Variants in COL19A1 observed in about 807,000 individuals in gnomAD.
COL19A1 encodes the protein collagen type XIX alpha 1 chain.
In COL19A1, 159 loss-of-function variants were observed where a neutral mutation model predicts 190.2. The observed-to-expected ratio is 0.84, with a 90% CI of 0.73 to 0.95. The LOEUF (loss-of-function observed/expected upper bound fraction) is 0.95, where lower values mean the gene tolerates loss of function less well. Among genes scored for constraint, COL19A1 ranks in the 40% least tolerant of loss-of-function variants. COL19A1 has a pLI of 0.00. For missense variants in COL19A1, 1,418 were observed against 1,431.9 expected, an observed-to-expected ratio of 0.99 and a Z score of 0.16; for synonymous variants, 509 against 458.9, an observed-to-expected ratio of 1.11 and a Z score of -1.39.
intron 42 of COL19A1, among the ~76,000 whole-genome samples, chr6:70,177,594 A>C (rs1765896851): frequency 6.6e-6 from 1 of 152,238 alleles, no homozygotes; most frequent in African/African-American, 2.4e-5. Context: ...TAGCATGAAA[A>C]TATCTTCTTT....
chr6:70,088,234 A>G (rs1278189912), intron 15 of COL19A1, among the ~76,000 whole-genome samples: 3 of 152,144 alleles, frequency 2.0e-5, no homozygotes, highest in Non-Finnish European at 4.4e-5. Flanking sequence ...AGATCTTCAT[A>G]TATTCTAGCC....
At chr6:70,178,771 A>G (rs1054346383) in intron 42 of COL19A1, among the ~76,000 whole-genome samples, 3 of 152,176 alleles carry the variant, frequency 2.0e-5, no homozygotes, top group African/African-American at 7.2e-5. Flanking sequence ...CCTAGAACGG[A>G]CCGGTCTATC....
At chr6:70,040,581 C>T (rs1779588281) in intron 14 of COL19A1, among the ~76,000 whole-genome samples, 1 of 152,124 alleles carries the variant, frequency 6.6e-6, no homozygotes, top group Admixed American at 6.5e-5. Context: ...AAATGGGACC[C>T]CATTCAAAAT....
chr6:69,936,987 C>T, intron 8 of COL19A1, 77 bp downstream of exon 8: 1 of 1,550,986 alleles, frequency 6.4e-7, no homozygotes, highest in Non-Finnish European at 8.8e-7. Flanking sequence ...GGCCTCTGTT[C>T]ACAGAATGTG....
At chr6:70,121,179 T>A (rs1056607978) in intron 16 of COL19A1, among the ~76,000 whole-genome samples, 3 of 152,188 alleles carry the variant, frequency 2.0e-5, no homozygotes, top group Non-Finnish European at 4.4e-5. Context: ...TGTTTTTTTA[T>A]GGCCCTCACC....
intron 16 of COL19A1, among the ~76,000 whole-genome samples, chr6:70,102,607 C>T (rs1783705108): frequency 6.6e-6 from 1 of 152,170 alleles, no homozygotes; most frequent in African/African-American, 2.4e-5. Context: ...TCTGGGGAAG[C>T]ATATCCACTT....
At chr6:70,125,583 GGAAAAAAAAAGCAAATGAGGAA>G (rs368470964) in intron 17 of COL19A1, among the ~76,000 whole-genome samples, 7 of 151,046 alleles carry the variant, frequency 4.6e-5, no homozygotes, top group South Asian at 2.1e-4. Flanking sequence ...GGATGGAGAA[GGAAAAAAAAAGCAAATGAGGAA>G]GAAAAAAAAA....
At chr6:69,932,700 CTGAT>C (rs1441241767) in intron 6 of COL19A1, 79 bp from the exon 7 acceptor site, 2 of 698,720 alleles carry the variant, frequency 2.9e-6, no homozygotes, top group Non-Finnish European at 4.8e-6. Flanking sequence ...CTTTTTCTTT[CTGAT>C]TAAATTACTG....
chr6:69,874,949 A>C (rs1034699270), intron 1 of COL19A1, among the ~76,000 whole-genome samples: 3 of 139,432 alleles, frequency 2.2e-5, no homozygotes, highest in Non-Finnish European at 4.8e-5. Flanking sequence ...AAATTCAACA[A>C]ATATTTATTG....
At chr6:70,087,197 A>G (rs1782639354) in intron 15 of COL19A1, among the ~76,000 whole-genome samples, 1 of 152,160 alleles carries the variant, frequency 6.6e-6, no homozygotes, top group African/African-American at 2.4e-5. Flanking sequence ...CTCTGCCCTC[A>G]TGGAACTTAC....
chr6:70,169,794 T>C (rs939456731), intron 40 of COL19A1, among the ~76,000 whole-genome samples: 9 of 152,132 alleles, frequency 5.9e-5, no homozygotes, highest in Non-Finnish European at 1.0e-4. Context: ...AAAAATTTCC[T>C]CCTGGTCTTT....
At chr6:69,921,824 A>ATG (rs1295355874) in intron 4 of COL19A1, among the ~76,000 whole-genome samples, 4 of 151,282 alleles carry the variant, frequency 2.6e-5, no homozygotes, top group African/African-American at 9.7e-5. Flanking sequence ...AGATTCGTAT[A>ATG]TATATTCGTA....
Position 70,121,945 on chromosome 6 carries a change from A to C in COL19A1, c.1341+3A>C. On this transcript the variant is annotated splice_donor_region_variant and intron_variant, in intron 17 of 50. Coordinates refer to ENST00000620364, the MANE Select transcript of COL19A1 (RefSeq NM_001858.6). Reference sequence around the variant, plus strand: ...GATATTATAACAAGGATAACAAGGTATGGCTTCTTTTTTCCCATAATTTAT... The same window carrying C: ...GATATTATAACAAGGATAACAAGGTCTGGCTTCTTTTTTCCCATAATTTAT... 1.3e-6 allele frequency: 2 copies of C among 1,556,564 alleles called. No individual in the cohort carries two copies. The highest frequency in any genetic ancestry group is 1.7e-6 in the Non-Finnish European group (2 of 1,151,894).
At chr6:69,986,471 G>T (rs1392591502) in intron 11 of COL19A1, among the ~76,000 whole-genome samples, 4 of 151,960 alleles carry the variant, frequency 2.6e-5, no homozygotes, top group African/African-American at 9.7e-5. Flanking sequence ...CTGTTTCTGA[G>T]CCTCATTCCT....
At chr6:70,140,518 T>G (rs1191951325) in intron 19 of COL19A1, among the ~76,000 whole-genome samples, 2 of 152,056 alleles carry the variant, frequency 1.3e-5, no homozygotes, top group Non-Finnish European at 2.9e-5. Context: ...AATAATGAGT[T>G]TGTATATTTA....
At chr6:69,961,219 G>A (rs1167620621) in intron 10 of COL19A1, among the ~76,000 whole-genome samples, 2 of 152,154 alleles carry the variant, frequency 1.3e-5, no homozygotes, top group African/African-American at 4.8e-5. Flanking sequence ...CTCTATAGCT[G>A]AAAATATCTT....
At chr6:69,987,110 A>G (rs533127307) in intron 11 of COL19A1, among the ~76,000 whole-genome samples, 20 of 152,222 alleles carry the variant, frequency 1.3e-4, no homozygotes, top group African/African-American at 4.3e-4. Context: ...TTGTTGTTCA[A>G]AATCAAGAGG....
intron 48 of COL19A1, among the ~76,000 whole-genome samples, chr6:70,198,390 A>G (rs890145292): frequency 3.8e-4 from 58 of 152,230 alleles, no homozygotes; most frequent in Non-Finnish European, 3.5e-4. Context: ...ATTATTTTAA[A>G]ATAAAACCAT....
rs200616767 is a variant in COL19A1 at position 69,959,384 on chromosome 6, C to CAT, written c.937-604_937-603dup. Reference sequence around the variant, plus strand: ...ATATAAGAATACACACACACACACACATATATATAATATATATAGTGAGAA... The same window carrying CAT: ...ATATAAGAATACACACACACACACACATATATATATAATATATATAGTGAGAA... On this transcript the variant is annotated intron_variant, in intron 9 of 50. Transcript: ENST00000620364. Among the ~76,000 whole-genome samples, 832 of 151,976 alleles carry CAT rather than the reference C, an allele frequency of 5.5e-3. 18 individuals are homozygous for CAT. The East Asian group carries it at 0.067, about 12-fold the overall frequency.
Sources: allele counts gnomAD v4.1 joint callset (sites outside exome capture counted in the v4.1 genomes callset), GRCh38; gene constraint gnomAD v4.1.1; transcripts MANE v1.5; gene names NCBI Gene and HGNC (gene_info 2026-07-23, HGNC 2026-07-21).